ASXL2: variants seen among roughly 807,000 people sequenced by gnomAD.
ASXL2 encodes putative Polycomb group protein ASXL2.
ASXL2 carries 23 observed loss-of-function variants against 122.0 expected under a neutral mutation model. That is an observed-to-expected ratio of 0.19 (90% CI 0.14 to 0.27). The LOEUF (loss-of-function observed/expected upper bound fraction) is 0.27, where lower values mean the gene tolerates loss of function less well. Ranked by LOEUF, ASXL2 falls within the 10% of genes least tolerant of loss-of-function variation. The pLI is 1.00. For missense variants in ASXL2, 1,518 were observed against 1,713.8 expected (o/e 0.89, Z 2.02); for synonymous variants, 650 against 637.0 (o/e 1.02, Z -0.31).
chr2:25,751,810 C>A (rs763167516), intron 11 of ASXL2, among the ~76,000 whole-genome samples: 4 of 151,438 alleles, frequency 2.6e-5, no homozygotes, highest in African/African-American at 7.3e-5. Flanking sequence ...GAGACAAGGT[C>A]TCACTTCGTC....
rs2087834555 is a variant in ASXL2, at chr2:25,741,972, C to T, written c.*57G>A. The T allele has an allele frequency of 4.0e-6, 6 of 1,516,212 alleles. No homozygotes were observed. In the African/African-American group the frequency reaches 4.2e-5, roughly 11 times the overall value. 93.9% of individuals were successfully genotyped at this position (1,516,212 alleles called of 1,614,324 possible). On this transcript the variant is annotated 3_prime_UTR_variant, in exon 13 of 13. Coordinates refer to ENST00000435504, the MANE Select transcript of ASXL2 (RefSeq NM_018263.6). ...GTGATTCCAAAAGGACGCAAAAAAC[C>T]CAACTGGTCAACCCTTCCCTTCCCC... is the stretch of plus-strand genomic sequence containing the variant.
rs1177030117 is a variant in ASXL2 at position 25,768,798 on chromosome 2, T to G, written c.575A>C (p.Gln192Pro). 1 of 1,613,888 alleles carries G rather than the reference T, an allele frequency of 6.2e-7. No homozygotes were observed. The stretch of plus-strand genomic sequence containing the variant: ...TTTGACAGTCTTTAGTGAGAGATGC[T>G]GGTTGGAGGAGATGGATATGCTTGG... ...CRPSISISSNQHLSLKTVKAA... is the reference protein window; with the variant it reads ...CRPSISISSNPHLSLKTVKAA... The change falls in exon 7 of 13, where the codon CAG becomes CCG. Residue 192 changes from glutamine (Q) to proline (P), a missense_variant. Physicochemically the swap from Gln to Pro is moderately conservative, Grantham distance 76. Transcript: ENST00000435504.
intron 2 of ASXL2, among the ~76,000 whole-genome samples, chr2:25,840,182 T>A (rs1177916618): frequency 6.6e-6 from 1 of 152,228 alleles, no homozygotes; most frequent in African/African-American, 2.4e-5. Flanking sequence ...GGCATTTAAT[T>A]TAAATATTGT....
rs771972886 is a variant in ASXL2, at chr2:25,750,322, T to C, written c.1234A>G (p.Met412Val). The C allele has an allele frequency of 1.1e-4, 180 of 1,613,912 alleles. No homozygotes were observed. The highest frequency in any genetic ancestry group is 1.4e-4 in the Non-Finnish European group (170 of 1,179,910). The change falls in exon 12 of 13, where the codon ATG (methionine) becomes GTG (valine). Residue 412 changes from methionine (M) to valine (V), a missense_variant. This residue lies in a region of ASXL2 where 292 missense variants were observed against 293.5 expected (regional missense o/e 1.00). Coordinates refer to ENST00000435504, the MANE Select transcript of ASXL2 (RefSeq NM_018263.6). ...ATAAGAGAGGCCTCTGACACAGGCA[T>C]GGATTTTGGTTGTTCAGCTGGGGTT... is the stretch of plus-strand genomic sequence containing the variant. ...KKTPAEQPKSMPVSEASLIRI... is the reference protein window; with the variant it reads ...KKTPAEQPKSVPVSEASLIRI...
intron 7 of ASXL2, among the ~76,000 whole-genome samples, 189 bp from the exon 8 acceptor site, chr2:25,767,915 T>C (rs144235781): frequency 4.6e-5 from 7 of 152,372 alleles, no homozygotes; most frequent in African/African-American, 2.4e-5. Flanking sequence ...AGCATACTAT[T>C]TGCTTCTAGT....
chr2:25,742,450 A>T lies in ASXL2; in HGVS notation c.3887T>A (p.Leu1296Gln). The T allele has an allele frequency of 6.2e-7, 1 of 1,612,102 alleles. No homozygotes were observed. Among genetic ancestry groups the T allele is most frequent in the East Asian group, 2.2e-5 (1 of 44,830 alleles). ...CTGGTGGGTGGGGCTGTCTGCAGGCAGAGGAAGAACAGTAGAACTGAAAAG... is the reference window on the plus strand; with the variant it reads ...CTGGTGGGTGGGGCTGTCTGCAGGCTGAGGAAGAACAGTAGAACTGAAAAG... ...PELFSSTVLPLPADSPTHQPL... is the reference protein window; with the variant it reads ...PELFSSTVLPQPADSPTHQPL... The change falls in exon 13 of 13, where the codon CTG becomes CAG. Residue 1296 changes from leucine (L) to glutamine (Q), a missense_variant. This residue lies in a region of ASXL2 where 831 missense variants were observed against 833.1 expected (regional missense o/e 1.00). Coordinates refer to ENST00000435504, the MANE Select transcript of ASXL2 (RefSeq NM_018263.6).
chr2:25,864,853 C>T (rs377330598), intron 1 of ASXL2, among the ~76,000 whole-genome samples: 12 of 148,046 alleles, frequency 8.1e-5, no homozygotes, highest in Admixed American at 2.0e-4. Context: ...TTTTTTGAGA[C>T]GGAGTTTCGC....
chr2:25,756,002 T>A lies in ASXL2; in HGVS notation c.1036+16A>T, dbSNP rs769133316. ...TGCACACACCACCTGGGAGACACATTAAGTAGAGCACTTACCTTCTGAGAG... is the reference window on the plus strand; with the variant it reads ...TGCACACACCACCTGGGAGACACATAAAGTAGAGCACTTACCTTCTGAGAG... On this transcript the variant is annotated intron_variant, in intron 10 of 12. Coordinates refer to ENST00000435504, the MANE Select transcript of ASXL2 (RefSeq NM_018263.6). The A allele has an allele frequency of 1.9e-6, 3 of 1,603,602 alleles. No individual in the cohort carries two copies. Among genetic ancestry groups the A allele is most frequent in the South Asian group, 2.2e-5 (2 of 90,866 alleles).
At chr2:25,781,744 A>C (rs1574413487) in intron 5 of ASXL2, among the ~76,000 whole-genome samples, 1 of 147,584 alleles carries the variant, frequency 6.8e-6, no homozygotes, top group Non-Finnish European at 1.5e-5. Context: ...ATCTCGGCTC[A>C]CGCAGCCTCC....
chr2:25,836,293 G>C (rs1417387640), intron 2 of ASXL2, among the ~76,000 whole-genome samples: 2 of 152,164 alleles, frequency 1.3e-5, no homozygotes, highest in Admixed American at 1.3e-4. Context: ...TCCAACCTTA[G>C]ATATATTATC....
At chr2:25,799,077 T>C (rs1354159260) in intron 5 of ASXL2, among the ~76,000 whole-genome samples, 1 of 152,190 alleles carries the variant, frequency 6.6e-6, no homozygotes, top group Non-Finnish European at 1.5e-5. Flanking sequence ...CTCTGTACCT[T>C]CCTCTCAATT....
At chr2:25,848,262 A>G (rs1261981228) in intron 1 of ASXL2, among the ~76,000 whole-genome samples, 2 of 152,222 alleles carry the variant, frequency 1.3e-5, no homozygotes, top group Non-Finnish European at 2.9e-5. Flanking sequence ...TATATTCTGC[A>G]AAACAAGGAA....
In ASXL2 at chr2:25,836,766, A is replaced by T. The variant is rs186849864; in HGVS notation, c.141-1226T>A. The stretch of plus-strand genomic sequence containing the variant: ...TCACCTATACTAATCTTATAGTGTG[A>T]AAGATTCAAACTCACCACAATTACT... On this transcript the variant is annotated intron_variant, in intron 2 of 12. Transcript: ENST00000435504. Among the ~76,000 whole-genome samples the T allele has an allele frequency of 3.8e-3, 571 of 152,250 alleles. 5 individuals carry two copies. Among genetic ancestry groups the T allele is most frequent in the Non-Finnish European group, 1.7e-3 (118 of 68,018 alleles).
chr2:25,782,784 C>T (rs1390996754), intron 5 of ASXL2, among the ~76,000 whole-genome samples: 2 of 152,110 alleles, frequency 1.3e-5, no homozygotes, highest in African/African-American at 4.8e-5. Context: ...GTTTTTTATT[C>T]TAGCTCTGTA....
chr2:25,748,299 G>A (rs951936632), intron 12 of ASXL2, among the ~76,000 whole-genome samples: 9 of 152,066 alleles, frequency 5.9e-5, no homozygotes, highest in Admixed American at 5.9e-4. Context: ...AGGAGTTTGG[G>A]ACCAGCCTGG....
At chr2:25,833,661 A>C (rs7579354) in intron 3 of ASXL2, among the ~76,000 whole-genome samples, 42,021 of 151,656 alleles carry the variant, frequency 0.28, 6,126 homozygotes, top group African/African-American at 0.32. Context: ...GCACCACTGC[A>C]CTCCAGCCTG....
chr2:25,799,216 G>A (rs2088958457), intron 5 of ASXL2, among the ~76,000 whole-genome samples, 169 bp downstream of exon 5: 1 of 152,216 alleles, frequency 6.6e-6, no homozygotes, highest in African/African-American at 2.4e-5. Context: ...GTGCTGGACA[G>A]TAAAGATATA....
At position 25,741,693 on chromosome 2, in the gene ASXL2, AAGT is replaced by A. The variant is rs1559497057; in HGVS notation, c.*333_*335del. ...CCGGCATTAAACTTTTCTCAGTCACAAGTAGTAGAACATTAATCTGAATTCAAA... is the reference window on the plus strand; with the variant it reads ...CCGGCATTAAACTTTTCTCAGTCACAAGTAGAACATTAATCTGAATTCAAA... On this transcript the variant is annotated 3_prime_UTR_variant, in exon 13 of 13. Coordinates refer to ENST00000435504, the MANE Select transcript of ASXL2 (RefSeq NM_018263.6). 3 of 276,866 alleles carry A rather than the reference AAGT, an allele frequency of 1.1e-5. No individual in the cohort carries two copies. In the East Asian group the frequency reaches 1.6e-4, roughly 15 times the overall value. 17.2% of individuals were successfully genotyped at this position (276,866 alleles called of 1,614,324 possible). A position where few individuals can be genotyped will look rare whatever the true frequency, so the allele number is the denominator to read the frequency against.
intron 5 of ASXL2, among the ~76,000 whole-genome samples, chr2:25,794,140 C>T (rs2088878610): frequency 1.3e-5 from 2 of 152,128 alleles, no homozygotes; most frequent in Non-Finnish European, 2.9e-5. Context: ...TAAATAACTC[C>T]AGACACAATA....
Sources: allele counts gnomAD v4.1 joint callset (sites outside exome capture counted in the v4.1 genomes callset), GRCh38; gene constraint gnomAD v4.1.1; regional missense constraint gnomAD v4.1.1; transcripts MANE v1.5; gene names NCBI Gene and HGNC (gene_info 2026-07-23, HGNC 2026-07-21).